PDE1C: variants seen among roughly 807,000 people sequenced by gnomAD.
The protein encoded by PDE1C is dual specificity calcium/calmodulin-dependent 3',5'-cyclic nucleotide phosphodiesterase 1C.
Under a neutral mutation model 93.1 loss-of-function variants are expected in PDE1C, and 62 were observed. The ratio of observed to expected loss-of-function variants is 0.67; its 90% CI spans 0.54 to 0.82. PDE1C has a LOEUF of 0.82. PDE1C is among the 40% of genes least tolerant of loss of function. The pLI, the probability that PDE1C is intolerant of heterozygous loss-of-function variation, is 0.00. For synonymous variants in PDE1C, 325 were observed against 310.1 expected, an observed-to-expected ratio of 1.05 and a Z score of -0.50; for missense variants, 742 against 884.6, an observed-to-expected ratio of 0.84 and a Z score of 2.04.
At chr7:31,689,250 G>A in the PDE1C span, among the ~76,000 whole-genome samples, 3 of 152,200 alleles carry the variant, frequency 2.0e-5, no homozygotes, top group Non-Finnish European at 4.4e-5. Flanking sequence ...TGTTAAAAAG[G>A]TCACAAGTCT....
intron 1 of PDE1C, among the ~76,000 whole-genome samples, chr7:32,344,475 C>G (rs1429949699): frequency 6.6e-6 from 1 of 152,160 alleles, no homozygotes. Flanking sequence ...CTCGCTTTTC[C>G]TTGTTCATTC....
intron 16 of PDE1C, among the ~76,000 whole-genome samples, chr7:31,781,908 G>A (rs1783445657): frequency 6.6e-6 from 1 of 152,094 alleles, no homozygotes; most frequent in South Asian, 2.1e-4. Flanking sequence ...CTATTTAAAT[G>A]TGGCTTTCAA....
At chr7:31,883,127 A>G (rs956556726) in intron 2 of PDE1C, among the ~76,000 whole-genome samples, 1 of 152,178 alleles carries the variant, frequency 6.6e-6, no homozygotes, top group South Asian at 2.1e-4. Context: ...AACAGTACCA[A>G]TTTTTGAGAA....
At chr7:31,784,711 A>G (rs1244336605) in intron 16 of PDE1C, 1 of 152,212 alleles carries the variant, frequency 6.6e-6, no homozygotes, top group African/African-American at 2.4e-5. Context: ...AAGAGCTGAT[A>G]AAAACCTAAC....
At chr7:32,070,101 A>G (rs561765211) in intron 1 of PDE1C, among the ~76,000 whole-genome samples, 192 bp downstream of exon 1, 36 of 152,342 alleles carry the variant, frequency 2.4e-4, no homozygotes, top group South Asian at 6.2e-4. Context: ...ATTCTAAGAC[A>G]GAAAGACAAC....
At chr7:31,651,877 A>G in the PDE1C span, 12 of 1,163,668 alleles carry the variant, frequency 1.0e-5, no homozygotes, top group South Asian at 1.5e-4. Context: ...ATGAGGTGAC[A>G]ATGGAAGATT....
intron 1 of PDE1C, among the ~76,000 whole-genome samples, chr7:32,251,136 C>G (rs1315666692): frequency 2.0e-5 from 3 of 152,268 alleles, no homozygotes; most frequent in Non-Finnish European, 2.9e-5. Flanking sequence ...GCAACAGATT[C>G]CCTGTCACAC....
chr7:32,300,665 T>C (rs17161149), upstream of PDE1C, among the ~76,000 whole-genome samples: 15,943 of 152,220 alleles, frequency 0.1, 944 homozygotes, highest in East Asian at 0.13. Context: ...GTTATTGCAA[T>C]CACTAGCTGA....
chr7:32,037,708 A>G (rs930749887), intron 2 of PDE1C, among the ~76,000 whole-genome samples: 4 of 152,148 alleles, frequency 2.6e-5, no homozygotes, highest in Non-Finnish European at 5.9e-5. Flanking sequence ...TATTGAAATT[A>G]CCTGTCTGGG....
chr7:32,250,985 C>T (rs1274167423), intron 1 of PDE1C, among the ~76,000 whole-genome samples: 5 of 152,200 alleles, frequency 3.3e-5, no homozygotes, highest in African/African-American at 1.2e-4. Flanking sequence ...CAAGTCAAGC[C>T]GGATTAAGTC....
At chr7:31,705,925 C>T in the PDE1C span, among the ~76,000 whole-genome samples, 1 of 148,160 alleles carries the variant, frequency 6.7e-6, no homozygotes, top group Non-Finnish European at 1.5e-5. Context: ...CTTGGCTGGT[C>T]CTTTCTGGGG....
chr7:32,029,280 T>C (rs1789942203), intron 2 of PDE1C, among the ~76,000 whole-genome samples: 1 of 152,104 alleles, frequency 6.6e-6, no homozygotes. Flanking sequence ...TGGAAAACTA[T>C]ACAGAGGTTC....
At chr7:32,118,553 G>A (rs970393686) in intron 3 of PDE1C, among the ~76,000 whole-genome samples, 19 of 152,042 alleles carry the variant, frequency 1.2e-4, no homozygotes, top group Non-Finnish European at 1.0e-4. Flanking sequence ...CATAATTTAT[G>A]GTGAACAGAA....
intron 7 of PDE1C, among the ~76,000 whole-genome samples, chr7:31,860,153 A>G (rs1000079935): frequency 4.0e-4 from 61 of 152,186 alleles, no homozygotes; most frequent in African/African-American, 1.4e-3. Flanking sequence ...GCAGTATATG[A>G]GAACATAATT....
chr7:31,822,187 C>A (rs1464639625), intron 14 of PDE1C, among the ~76,000 whole-genome samples: 1 of 152,030 alleles, frequency 6.6e-6, no homozygotes. Context: ...CAACCTGGCA[C>A]ACAGTAGGCA....
intron 2 of PDE1C, among the ~76,000 whole-genome samples, chr7:32,019,063 G>A (rs753300020): frequency 6.6e-6 from 1 of 150,474 alleles, no homozygotes; most frequent in Non-Finnish European, 1.5e-5. Flanking sequence ...ACCAGGCATA[G>A]TGCTAGGTAA....
intron 16 of PDE1C, among the ~76,000 whole-genome samples, chr7:31,800,591 G>A (rs1785886521): frequency 6.6e-6 from 1 of 151,374 alleles, no homozygotes; most frequent in Non-Finnish European, 1.5e-5. Flanking sequence ...CTGTTGATCT[G>A]TTGGTCTGTG....
chr7:32,328,832 A>ATT (rs1265392413), intron 1 of PDE1C, among the ~76,000 whole-genome samples: 3 of 152,192 alleles, frequency 2.0e-5, no homozygotes, highest in Non-Finnish European at 2.9e-5. Flanking sequence ...TCCCTATTAG[A>ATT]TTGTGTGGTC....
At chr7:32,146,497 C>G (rs1400703907) in intron 3 of PDE1C, among the ~76,000 whole-genome samples, 1 of 152,156 alleles carries the variant, frequency 6.6e-6, no homozygotes, top group East Asian at 1.9e-4. Context: ...AGATCTCTAT[C>G]TGGCTATGAT....
Sources: gnomAD v4.1 joint callset for allele counts (sites outside exome capture counted in the v4.1 genomes callset) on GRCh38, gnomAD v4.1.1 for gene constraint, MANE v1.5 for transcripts, NCBI Gene and HGNC (gene_info 2026-07-23, HGNC 2026-07-21) for gene names.